S100PBP: variants seen among roughly 807,000 people sequenced by gnomAD.
S100PBP encodes S100P-binding protein.
Under a neutral mutation model 39.9 loss-of-function variants are expected in S100PBP, and 15 were observed. The ratio of observed to expected loss-of-function variants is 0.38; its 90% CI spans 0.25 to 0.58. S100PBP has a LOEUF of 0.58. S100PBP is among the 20% of genes least tolerant of loss of function. S100PBP has a pLI of 0.70. For missense variants in S100PBP, 504 were observed against 487.3 expected (o/e 1.03, Z -0.32); for synonymous variants, 178 against 180.3 (o/e 0.99, Z 0.10).
At chr1:32,842,510 C>T (rs1640164722) in intron 5 of S100PBP, among the ~76,000 whole-genome samples, 1 of 151,608 alleles carries the variant, frequency 6.6e-6, no homozygotes, top group African/African-American at 2.4e-5. Flanking sequence ...TTAGAATTAG[C>T]GTATCAATTT....
chr1:32,819,545 T>C (rs557491193), intron 1 of S100PBP, among the ~76,000 whole-genome samples: 11 of 152,182 alleles, frequency 7.2e-5, no homozygotes, highest in Non-Finnish European at 1.3e-4. Context: ...GCCTGGGTGA[T>C]TGAGTGAGAC....
intron 5 of S100PBP, among the ~76,000 whole-genome samples, chr1:32,841,757 C>T (rs946805964): frequency 7.0e-5 from 10 of 142,880 alleles, no homozygotes; most frequent in African/African-American, 1.8e-4. Flanking sequence ...AAAAAAATTA[C>T]GGATTATGCT....
chr1:32,833,120 C>CT (rs1639672712), intron 5 of S100PBP, among the ~76,000 whole-genome samples: 2 of 152,114 alleles, frequency 1.3e-5, no homozygotes, highest in African/African-American at 4.8e-5. Flanking sequence ...CTTTAATCTC[C>CT]TAACACATAA....
upstream of S100PBP, chr1:32,817,094 G>C: frequency 6.6e-7 from 1 of 1,512,028 alleles, no homozygotes; most frequent in South Asian, 1.1e-5. Flanking sequence ...CGAGTCCCCG[G>C]CCCCACATAC....
At chr1:32,841,199 AT>A (rs551819046) in intron 5 of S100PBP, among the ~76,000 whole-genome samples, 2 of 151,374 alleles carry the variant, frequency 1.3e-5, no homozygotes, top group Admixed American at 1.3e-4. Flanking sequence ...TTATTTTCTT[AT>A]TACTGAGTTT....
At position 32,856,996 on chromosome 1, in the gene S100PBP, G is replaced by A. The variant is rs1640837756; in HGVS notation, c.*958G>A. 6.6e-6 allele frequency: 1 copy of A among 152,018 alleles called. No individual in the cohort carries two copies. Among genetic ancestry groups the A allele is most frequent in the African/African-American group, 2.4e-5 (1 of 41,380 alleles). 9.4% of individuals were successfully genotyped at this position (152,018 alleles called of 1,614,324 possible). ...CTCTAGGGCAGGCTAGTGCTATTGT[G>A]GTGTCAGTTGATATTTAGTTTCATT... is the stretch of plus-strand genomic sequence containing the variant. On this transcript the variant is annotated 3_prime_UTR_variant, in exon 7 of 7. Transcript: ENST00000373475.
chr1:32,826,818 G>A lies in S100PBP; in HGVS notation c.719G>A (p.Arg240Gln), dbSNP rs781061087. Residue 240 changes from arginine to glutamine, a missense_variant, in exon 3 of 7, where the codon CGG (arginine) becomes CAG (glutamine). Physicochemically the swap from Arg to Gln is conservative, Grantham distance 43. Transcript: ENST00000373475. ...DSENPTSVFS[R>Q]ISDHSETPNM... Reference sequence around the variant, plus strand: ...GAGAACCCTACGTCTGTATTCTCTCGGATCTCAGACCATTCAGAGACTCCT... The same window carrying A: ...GAGAACCCTACGTCTGTATTCTCTCAGATCTCAGACCATTCAGAGACTCCT... The A allele has an allele frequency of 6.2e-6, 10 of 1,613,796 alleles. No individual in the cohort carries two copies. The highest frequency in any genetic ancestry group is 2.2e-5 in the South Asian group (2 of 91,064).
chr1:32,831,964 CT>C (rs1289572630), intron 5 of S100PBP, among the ~76,000 whole-genome samples: 1 of 152,180 alleles, frequency 6.6e-6, no homozygotes, highest in African/African-American at 2.4e-5. Context: ...TCAGCAGTTC[CT>C]TTCCCAGTAT....
chr1:32,852,400 AT>A (rs1001757087), intron 5 of S100PBP, among the ~76,000 whole-genome samples: 2 of 152,010 alleles, frequency 1.3e-5, no homozygotes, highest in African/African-American at 2.4e-5. Flanking sequence ...TCCATGTAAG[AT>A]TTTTTTTAGA....
Position 32,856,134 on chromosome 1 carries a change from G to T in S100PBP, c.*96G>T. Reference sequence around the variant, plus strand: ...TGCTGTTTTGTGCTTTGCCGATTTTGGATTTTATTTTTCACAAAATTTTTA... The same window carrying T: ...TGCTGTTTTGTGCTTTGCCGATTTTTGATTTTATTTTTCACAAAATTTTTA... On this transcript the variant is annotated 3_prime_UTR_variant, in exon 7 of 7. Transcript: ENST00000373475. The T allele has an allele frequency of 7.9e-6, 6 of 762,908 alleles. No individual in the cohort carries two copies. Among genetic ancestry groups the T allele is most frequent in the East Asian group, 2.9e-5 (1 of 33,902 alleles). The allele number at this position is 762,908 out of a possible 1,614,324, so 47.3% of individuals were successfully genotyped here.
At position 32,856,599 on chromosome 1, in the gene S100PBP, G is replaced by A. The variant is rs940687652; in HGVS notation, c.*561G>A. The A allele has an allele frequency of 6.6e-6, 1 of 152,624 alleles. No individual in the cohort carries two copies. The highest frequency in any genetic ancestry group is 2.4e-5 in the African/African-American group (1 of 41,440). The allele number at this position is 152,624 out of a possible 1,614,324, so 9.5% of individuals were successfully genotyped here. ...TTATAAGTAGGATGGAGCAGGAGAA[G>A]AATCCTATTGAAAGGACAAATTAAA... is the stretch of plus-strand genomic sequence containing the variant. On this transcript the variant is annotated 3_prime_UTR_variant, in exon 7 of 7. Transcript: ENST00000373475.
rs143650787 is a variant in S100PBP at position 32,826,225 on chromosome 1, A to G, written c.126A>G (p.Ser42=). Residue 42 remains serine (S), a synonymous_variant, in exon 3 of 7, where the codon TCA becomes TCG. Coordinates refer to ENST00000373475, the MANE Select transcript of S100PBP (RefSeq NM_022753.4). ...TGGATGACTCCTTGCTGGAGCTGTCAGAGGGAGAAGAAGATGATGGTGATG... is the reference window on the plus strand; with the variant it reads ...TGGATGACTCCTTGCTGGAGCTGTCGGAGGGAGAAGAAGATGATGGTGATG... ...DGLDDSLLEL[S]EGEEDDGDVN... is the part of the protein sequence containing the mutation. The G allele has an allele frequency of 3.3e-5, 54 of 1,614,058 alleles. No individual in the cohort carries two copies. The highest frequency in any genetic ancestry group is 5.3e-5 in the African/African-American group (4 of 74,920).
intron 5 of S100PBP, among the ~76,000 whole-genome samples, chr1:32,851,554 T>C (rs879746599): frequency 1.3e-5 from 2 of 151,858 alleles, no homozygotes; most frequent in Non-Finnish European, 1.5e-5. Flanking sequence ...TAATCCCAGC[T>C]ACTTAGGAGG....
At chr1:32,817,028 A>G, upstream of S100PBP, 2 of 903,918 alleles carry the variant, frequency 2.2e-6, no homozygotes, top group Non-Finnish European at 3.5e-6. Context: ...GGGCTGCTTG[A>G]TTGACTGACC....
chr1:32,830,441 T>C (rs981039628), intron 5 of S100PBP, among the ~76,000 whole-genome samples: 2 of 152,210 alleles, frequency 1.3e-5, no homozygotes, highest in African/African-American at 4.8e-5. Context: ...GTTTTATTTC[T>C]CCTGTTACCT....
Position 32,830,019 on chromosome 1 carries a change from C to T in S100PBP, c.976C>T (p.Leu326Phe). 1.2e-6 allele frequency: 2 copies of T among 1,613,960 alleles called. No individual in the cohort carries two copies. The highest frequency in any genetic ancestry group is 2.2e-5 in the South Asian group (2 of 91,086). ...TCTAGAACAGCAGAAGCAGCTTTATCTCAGGAGTGTCATTGCTCATATAGA... is the reference window on the plus strand; with the variant it reads ...TCTAGAACAGCAGAAGCAGCTTTATTTCAGGAGTGTCATTGCTCATATAGA... ...SNLEQQKQLY[L>F]RSVIAHIEDP... The change falls in exon 5 of 7, where the codon CTC becomes TTC. Residue 326 changes from leucine (L) to phenylalanine (F), a missense_variant. By Grantham distance (22) the Leu-to-Phe change is conservative (BLOSUM62 0). Transcript: ENST00000373475.
At chr1:32,822,832 A>G (rs1569831056) in intron 1 of S100PBP, among the ~76,000 whole-genome samples, 1 of 152,054 alleles carries the variant, frequency 6.6e-6, no homozygotes, top group Non-Finnish European at 1.5e-5. Context: ...GATTATTGCA[A>G]TGGTTACGAA....
chr1:32,822,952 G>T (rs1557480556), intron 1 of S100PBP, among the ~76,000 whole-genome samples: 1 of 150,598 alleles, frequency 6.6e-6, no homozygotes, highest in Non-Finnish European at 1.5e-5. Context: ...AATTTAGAAG[G>T]CCTGAGTTTG....
chr1:32,832,182 T>A (rs1342308018), intron 5 of S100PBP, among the ~76,000 whole-genome samples: 4 of 152,234 alleles, frequency 2.6e-5, no homozygotes, highest in Admixed American at 2.6e-4. Context: ...ATGAAAATTA[T>A]ACGGGTATAA....
Sources: gnomAD v4.1 joint callset for allele counts (sites outside exome capture counted in the v4.1 genomes callset) on GRCh38, gnomAD v4.1.1 for gene constraint, MANE v1.5 for transcripts, NCBI Gene and HGNC (gene_info 2026-07-23, HGNC 2026-07-21) for gene names.